The following SNTB2 variants were observed in gnomAD, a reference collection of about 807,000 sequenced individuals.
SNTB2 encodes the protein beta-2-syntrophin.
Under a neutral mutation model 46.2 loss-of-function variants are expected in SNTB2, and 34 were observed. The ratio of observed to expected loss-of-function variants is 0.74; its 90% CI spans 0.56 to 0.98. SNTB2 has a LOEUF of 0.98. Ranked by LOEUF, SNTB2 falls within the 50% of genes least tolerant of loss-of-function variation. SNTB2 has a pLI of 0.00. For missense variants in SNTB2, 603 were observed against 731.4 expected (o/e 0.82, Z 2.02); for synonymous variants, 290 against 312.6 (o/e 0.93, Z 0.76).
intron 2 of SNTB2, among the ~76,000 whole-genome samples, chr16:69,258,605 C>CTTTTTTTTT (rs67116274): frequency 6.7e-4 from 56 of 83,466 alleles, no homozygotes; most frequent in Non-Finnish European, 7.9e-4. Flanking sequence ...CTTGTTCTTT[C>CTTTTTTTTT]TTTTTTTTTT....
chr16:69,212,951 TG>T (rs1964304498), intron 1 of SNTB2, among the ~76,000 whole-genome samples: 1 of 152,218 alleles, frequency 6.6e-6, no homozygotes. Context: ...TTTTTTACTT[TG>T]TATATTTTGT....
chr16:69,248,814 CAG>C (rs1310057564), intron 2 of SNTB2, among the ~76,000 whole-genome samples: 3 of 145,292 alleles, frequency 2.1e-5, no homozygotes, highest in Non-Finnish European at 4.5e-5. Flanking sequence ...AAGAGAGAGA[CAG>C]AGAGAAAAAA....
At chr16:69,232,392 A>G (rs1964514872) in intron 1 of SNTB2, among the ~76,000 whole-genome samples, 1 of 148,536 alleles carries the variant, frequency 6.7e-6, no homozygotes, top group Non-Finnish European at 1.5e-5. Context: ...TTTTTAGTAG[A>G]GACGGGGTTT....
chr16:69,296,846 A>G (rs1369245273), intron 5 of SNTB2, among the ~76,000 whole-genome samples: 2 of 151,886 alleles, frequency 1.3e-5, no homozygotes, highest in Non-Finnish European at 2.9e-5. Context: ...TGTCTCTACT[A>G]AAACTACAAG....
chr16:69,246,003 T>C (rs1964667257), intron 2 of SNTB2, among the ~76,000 whole-genome samples, 188 bp downstream of exon 2: 1 of 152,098 alleles, frequency 6.6e-6, no homozygotes. Context: ...AGAAAAAATT[T>C]TGAACAGACA....
chr16:69,254,815 A>G (rs913912994), intron 2 of SNTB2, among the ~76,000 whole-genome samples: 1 of 152,008 alleles, frequency 6.6e-6, no homozygotes, highest in Non-Finnish European at 1.5e-5. Context: ...TGTCTCTACA[A>G]AAAATTTTTT....
At chr16:69,239,406 A>G (rs755780898) in intron 1 of SNTB2, among the ~76,000 whole-genome samples, 13 of 152,324 alleles carry the variant, frequency 8.5e-5, no homozygotes, top group Middle Eastern at 6.8e-3. Flanking sequence ...GGACACATAC[A>G]TAAATTCTTG....
At chr16:69,207,750 C>G (rs1162909736) in intron 1 of SNTB2, among the ~76,000 whole-genome samples, 2 of 152,068 alleles carry the variant, frequency 1.3e-5, no homozygotes, top group African/African-American at 4.8e-5. Flanking sequence ...CACTTCACCT[C>G]CCATCCAAGT....
chr16:69,208,283 G>A (rs566467730), intron 1 of SNTB2, among the ~76,000 whole-genome samples: 1 of 152,038 alleles, frequency 6.6e-6, no homozygotes, highest in African/African-American at 2.4e-5. Flanking sequence ...GTGCATGTCT[G>A]TAATCCCAGC....
chr16:69,269,507 C>A (rs533129722), intron 3 of SNTB2, among the ~76,000 whole-genome samples: 2 of 150,882 alleles, frequency 1.3e-5, no homozygotes, highest in Non-Finnish European at 3.0e-5. Flanking sequence ...CAGAGCAAGA[C>A]TGTCTCAGAA....
intron 1 of SNTB2, among the ~76,000 whole-genome samples, chr16:69,240,366 A>T (rs1013176656): frequency 1.3e-5 from 2 of 152,180 alleles, no homozygotes; most frequent in South Asian, 2.1e-4. Context: ...TGGCCAGGAG[A>T]CTTGAGCTGA....
Position 69,199,595 on chromosome 16 carries a change from C to CAAAAAAAAAAAAAAAAAAAAAAA in SNTB2, c.580+11865_580+11866insAAAAAAAAAAAAAAAAAAAAAAA, listed in dbSNP as rs60011703. 1.7e-3 allele frequency among the ~76,000 whole-genome samples: 133 copies of CAAAAAAAAAAAAAAAAAAAAAAA among 76,774 alleles called. 5 individuals are homozygous for CAAAAAAAAAAAAAAAAAAAAAAA. The highest frequency in any genetic ancestry group is 0.016 in the Middle Eastern group (2 of 128). The allele number at this position is 76,774 out of a possible 152,430, so 50.4% of individuals were successfully genotyped here. On this transcript the variant is annotated intron_variant, in intron 1 of 6. Coordinates refer to ENST00000336278, the MANE Select transcript of SNTB2 (RefSeq NM_006750.4). Reference sequence around the variant, plus strand: ...TGGACAACAGAGTGAAACACTGCCTCAAAAAAAAAAAAAAAAGGCGATCTT... The same window carrying CAAAAAAAAAAAAAAAAAAAAAAA: ...TGGACAACAGAGTGAAACACTGCCTCAAAAAAAAAAAAAAAAAAAAAAAAAAAAAAAAAAAAAAAGGCGATCTT...
At chr16:69,279,612 G>A (rs1460534530) in intron 4 of SNTB2, among the ~76,000 whole-genome samples, 4 of 127,692 alleles carry the variant, frequency 3.1e-5, no homozygotes, top group East Asian at 2.7e-4. Context: ...TGCACACTCC[G>A]CCTCCCGGGT....
intron 1 of SNTB2, among the ~76,000 whole-genome samples, chr16:69,194,484 T>C (rs926383505): frequency 6.6e-6 from 1 of 152,248 alleles, no homozygotes; most frequent in African/African-American, 2.4e-5. Context: ...TGGTATAGTA[T>C]AGTTACTTAT....
rs1965278114 is a variant in SNTB2, at chr16:69,301,632, A to G, written c.*708A>G. 1 of 152,650 alleles carries G rather than the reference A, an allele frequency of 6.6e-6. No individual in the cohort carries two copies. The highest frequency in any genetic ancestry group is 6.5e-5 in the Admixed American group (1 of 15,274). 9.5% of individuals were successfully genotyped at this position (152,650 alleles called of 1,614,324 possible). ...CTAGTGGTGACTGAGTTGAAAAGCAAGTTGGAAGCCACTGCTTTTAAAGAA... is the reference window on the plus strand; with the variant it reads ...CTAGTGGTGACTGAGTTGAAAAGCAGGTTGGAAGCCACTGCTTTTAAAGAA... On this transcript the variant is annotated 3_prime_UTR_variant, in exon 7 of 7. Coordinates refer to ENST00000336278, the MANE Select transcript of SNTB2 (RefSeq NM_006750.4).
intron 1 of SNTB2, chr16:69,235,691 C>T (rs995521693): frequency 7.9e-7 from 1 of 1,258,714 alleles, no homozygotes; most frequent in Non-Finnish European, 1.0e-6. Context: ...CAGCTTCAAA[C>T]TGCTGTATCC....
At chr16:69,246,125 AC>A (rs1452411000) in intron 2 of SNTB2, among the ~76,000 whole-genome samples, 1 of 152,174 alleles carries the variant, frequency 6.6e-6, no homozygotes, top group Non-Finnish European at 1.5e-5. Flanking sequence ...TGTTGTTATT[AC>A]TTTTTTCACT....
chr16:69,299,146 C>CTTT (rs375905717), intron 5 of SNTB2, among the ~76,000 whole-genome samples: 3 of 138,726 alleles, frequency 2.2e-5, no homozygotes, highest in Admixed American at 1.5e-4. Context: ...AAACACACTT[C>CTTT]TTTTTTTTTT....
chr16:69,204,667 G>A (rs1186786698), intron 1 of SNTB2, among the ~76,000 whole-genome samples: 1 of 152,100 alleles, frequency 6.6e-6, no homozygotes, highest in African/African-American at 2.4e-5. Flanking sequence ...AACATACTAA[G>A]AACATTGAGT....
Sources: gnomAD v4.1 joint callset for allele counts (sites outside exome capture counted in the v4.1 genomes callset) on GRCh38, gnomAD v4.1.1 for gene constraint, MANE v1.5 for transcripts, NCBI Gene and HGNC (gene_info 2026-07-23, HGNC 2026-07-21) for gene names.